LRBA: variants seen among roughly 807,000 people sequenced by gnomAD.
LRBA encodes lipopolysaccharide-responsive and beige-like anchor protein.
LRBA carries 176 observed loss-of-function variants against 330.0 expected under a neutral mutation model. The ratio of observed to expected loss-of-function variants is 0.53; its 90% CI spans 0.47 to 0.60. LRBA has a LOEUF of 0.60. Ranked by LOEUF, LRBA falls within the 20% of genes least tolerant of loss-of-function variation. The pLI, the probability that LRBA is intolerant of heterozygous loss-of-function variation, is 0.00. For missense variants in LRBA, 3,259 were observed against 3,444.8 expected (o/e 0.95, Z 1.35); for synonymous variants, 1,230 against 1,193.0 (o/e 1.03, Z -0.64).
At chr4:150,746,596 C>T (rs1036742680) in intron 35 of LRBA, among the ~76,000 whole-genome samples, 1 of 150,948 alleles carries the variant, frequency 6.6e-6, no homozygotes, top group Admixed American at 6.6e-5. Context: ...CTGCAATGTC[C>T]GTCTCCCTGG....
intron 37 of LRBA, among the ~76,000 whole-genome samples, chr4:150,620,325 G>A (rs548333455): frequency 1.4e-4 from 22 of 152,080 alleles, no homozygotes; most frequent in Non-Finnish European, 2.6e-4. Context: ...GCATGGATGT[G>A]GTGAAAAGGG....
chr4:150,443,853 A>AAAAAAATATATAT (rs70941406), intron 44 of LRBA, among the ~76,000 whole-genome samples: 128 of 75,418 alleles, frequency 1.7e-3, no homozygotes, highest in Middle Eastern at 8.9e-3. Flanking sequence ...TAATTAAAAA[A>AAAAAAATATATAT]ATATATATAT....
intron 36 of LRBA, among the ~76,000 whole-genome samples, chr4:150,690,388 A>G (rs1784013873): frequency 6.6e-6 from 1 of 151,928 alleles, no homozygotes; most frequent in African/African-American, 2.4e-5. Context: ...CTGTAATCCC[A>G]GGTACTCAGG....
chr4:150,342,795 C>G (rs1309078617), intron 48 of LRBA, among the ~76,000 whole-genome samples: 1 of 152,072 alleles, frequency 6.6e-6, no homozygotes, highest in Non-Finnish European at 1.5e-5. Context: ...CTCTGTATGA[C>G]TGGGAACGTA....
chr4:150,934,788 T>G (rs1200925417), intron 2 of LRBA, among the ~76,000 whole-genome samples: 1 of 151,860 alleles, frequency 6.6e-6, no homozygotes, highest in Non-Finnish European at 1.5e-5. Flanking sequence ...GCGGGCAAAT[T>G]ACCTGAGGTC....
intron 37 of LRBA, among the ~76,000 whole-genome samples, chr4:150,680,310 A>G (rs1027667555): frequency 6.6e-6 from 1 of 152,196 alleles, no homozygotes; most frequent in Non-Finnish European, 1.5e-5. Flanking sequence ...AGGGAGGAAT[A>G]CTTTCCTTTA....
chr4:150,552,761 T>G (rs1224745932), intron 40 of LRBA, among the ~76,000 whole-genome samples: 7 of 152,004 alleles, frequency 4.6e-5, no homozygotes, highest in African/African-American at 1.7e-4. Context: ...TGTCCATCAA[T>G]GATAGACTGG....
At chr4:150,792,767 T>C (rs1740154168) in intron 34 of LRBA, among the ~76,000 whole-genome samples, 1 of 152,054 alleles carries the variant, frequency 6.6e-6, no homozygotes, top group Non-Finnish European at 1.5e-5. Flanking sequence ...TGGGCTAAAT[T>C]GTTTTTTTTA....
chr4:150,583,587 G>A lies in LRBA; in HGVS notation c.6330+4461C>T. On this transcript the variant is annotated intron_variant, in intron 40 of 56. Coordinates refer to ENST00000651943, the MANE Select transcript of LRBA (RefSeq NM_001364905.1). The surrounding 1 kb of genome is among the most constrained non-coding windows in gnomAD (Gnocchi z 9.8). ...GGATCTGGCCTCGCAGCGCGGCACA[G>A]TGGCCTATGCCCCACATCCCTTGGC... 1.2e-6 allele frequency: 2 copies of A among 1,613,980 alleles called. No homozygotes were observed. Among genetic ancestry groups the A allele is most frequent in the African/African-American group, 2.7e-5 (2 of 75,076 alleles).
intron 2 of LRBA, among the ~76,000 whole-genome samples, chr4:150,941,008 C>T (rs1479732411): frequency 6.6e-6 from 1 of 151,936 alleles, no homozygotes; most frequent in Non-Finnish European, 1.5e-5. Flanking sequence ...TGCTGTGCTG[C>T]TTTTTTAACG....
chr4:150,851,789 G>A, intron 23 of LRBA, 96 bp downstream of exon 23: 1 of 1,296,142 alleles, frequency 7.7e-7, no homozygotes, highest in Non-Finnish European at 1.0e-6. Flanking sequence ...AATAGCATGT[G>A]AACCAAATTC....
chr4:150,958,013 G>A (rs923306868), intron 2 of LRBA, among the ~76,000 whole-genome samples: 1 of 149,196 alleles, frequency 6.7e-6, no homozygotes, highest in Non-Finnish European at 1.5e-5. Context: ...GAGGTGCACA[G>A]TGCAAGCTGT....
In LRBA at chr4:150,708,620, TTGAC is replaced by T. The variant is rs1218945149; in HGVS notation, c.5755-24907_5755-24904del. Among the ~76,000 whole-genome samples, 7 of 151,954 alleles carry T rather than the reference TTGAC, an allele frequency of 4.6e-5. No individual in the cohort carries two copies. The East Asian group carries it at 1.4e-3, about 29-fold the overall frequency. Reference sequence around the variant, plus strand: ...TTATTATGATCTCACAAATGCTAGTTTGACTATTTCATTTTTGAAGCTTTATAGT... The same window carrying T: ...TTATTATGATCTCACAAATGCTAGTTTATTTCATTTTTGAAGCTTTATAGT... On this transcript the variant is annotated intron_variant, in intron 36 of 56. Transcript: ENST00000651943.
intron 36 of LRBA, among the ~76,000 whole-genome samples, chr4:150,717,025 T>C (rs769823660): frequency 4.6e-5 from 7 of 152,168 alleles, no homozygotes; most frequent in Non-Finnish European, 1.0e-4. Context: ...AATCACTTAA[T>C]AGATGACGTT....
At chr4:150,929,368 C>T (rs1240928525) in intron 2 of LRBA, among the ~76,000 whole-genome samples, 3 of 152,184 alleles carry the variant, frequency 2.0e-5, no homozygotes, top group Non-Finnish European at 4.4e-5. Flanking sequence ...ACAATTGCTT[C>T]TCATCCAGTC....
Position 150,302,665 on chromosome 4 carries a change from A to T in LRBA, c.7977T>A (p.Tyr2659Ter), listed in dbSNP as rs748061845. ...GSRDATLLLWYWNGKCSGIGD... is the reference protein window; with the variant it reads ...GSRDATLLLW ...CAATCCCACTGCATTTTCCATTCCA[A>T]TACCACAGCAAAAGAGTTGCATCAC... The change falls in exon 53 of 57, where the codon TAT (tyrosine) becomes TAA (stop). Residue 2659 changes from tyrosine (Y) to a stop codon, truncating the protein, a stop_gained. Coordinates refer to ENST00000651943, the MANE Select transcript of LRBA (RefSeq NM_001364905.1). LOFTEE classifies it high-confidence loss of function. 3.1e-6 allele frequency: 5 copies of T among 1,612,812 alleles called. No homozygotes were observed. In the African/African-American group the frequency reaches 6.7e-5, roughly 22 times the overall value.
chr4:150,480,381 G>A (rs1232700202), intron 42 of LRBA, among the ~76,000 whole-genome samples: 1 of 151,826 alleles, frequency 6.6e-6, no homozygotes, highest in Non-Finnish European at 1.5e-5. Context: ...TTTACCAGAG[G>A]CTACACATAC....
At chr4:150,578,947 A>G (rs1770874359) in intron 40 of LRBA, 2 of 264,626 alleles carry the variant, frequency 7.6e-6, no homozygotes, top group South Asian at 8.4e-5. Context: ...TTAACAGTCA[A>G]ATAAAATGTC....
intron 34 of LRBA, among the ~76,000 whole-genome samples, chr4:150,786,258 T>C (rs1158915632): frequency 6.6e-6 from 1 of 150,868 alleles, no homozygotes; most frequent in African/African-American, 2.4e-5. Context: ...GCATTTCTTT[T>C]TTTTTTTTTT....
Sources: gnomAD v4.1 joint callset for allele counts (sites outside exome capture counted in the v4.1 genomes callset) on GRCh38, gnomAD v4.1.1 for gene constraint, Gnocchi (gnomAD v3.1) non-coding constraint, MANE v1.5 for transcripts, NCBI Gene and HGNC (gene_info 2026-07-23, HGNC 2026-07-21) for gene names.